Variants in ASIC2 observed in about 807,000 individuals in gnomAD.
The protein encoded by ASIC2 is acid-sensing ion channel 2.
In ASIC2, 25 loss-of-function variants were observed where a neutral mutation model predicts 57.3. That is an observed-to-expected ratio of 0.44 (90% confidence interval 0.32 to 0.61). ASIC2 has a LOEUF of 0.61. Ranked by LOEUF, ASIC2 falls within the 20% of genes least tolerant of loss-of-function variation. ASIC2 has a pLI of 0.06. For missense variants in ASIC2, 641 were observed against 738.1 expected, an observed-to-expected ratio of 0.87 and a Z score of 1.52; for synonymous variants, 319 against 307.5, an observed-to-expected ratio of 1.04 and a Z score of -0.39.
chr17:33,690,772 C>T (rs1377129753), intron 1 of ASIC2, among the ~76,000 whole-genome samples: 10 of 102,526 alleles, frequency 9.8e-5, no homozygotes, highest in Non-Finnish European at 1.1e-4. Context: ...TTTTTTGAGA[C>T]GGAGTCTTGC....
At chr17:33,415,471 G>A (rs1361456859) in intron 1 of ASIC2, among the ~76,000 whole-genome samples, 1 of 151,992 alleles carries the variant, frequency 6.6e-6, no homozygotes, top group Non-Finnish European at 1.5e-5. Flanking sequence ...AGTTAATTAT[G>A]TAGAACCCAT....
chr17:33,898,220 CTTTTTTTTTTTTTTTTTTTTT>C (rs771624171), intron 1 of ASIC2, among the ~76,000 whole-genome samples: 1 of 66,196 alleles, frequency 1.5e-5, no homozygotes, highest in Non-Finnish European at 2.8e-5. Context: ...CATGTATAAT[CTTTTTTTTTTTTTTTTTTTTT>C]TTTTTTTTTT....
intron 1 of ASIC2, among the ~76,000 whole-genome samples, chr17:34,084,057 T>C (rs903717867): frequency 3.3e-5 from 5 of 152,028 alleles, no homozygotes; most frequent in African/African-American, 9.7e-5. Flanking sequence ...TTGGCTTTTG[T>C]TGCCATTGCT....
chr17:34,017,442 TC>T (rs1229384116), intron 1 of ASIC2, among the ~76,000 whole-genome samples: 3 of 152,216 alleles, frequency 2.0e-5, no homozygotes, highest in Non-Finnish European at 2.9e-5. Flanking sequence ...TACAATGCTT[TC>T]TAAATATTCA....
intron 1 of ASIC2, among the ~76,000 whole-genome samples, chr17:33,814,511 C>A (rs1024914647): frequency 1.3e-5 from 2 of 152,162 alleles, no homozygotes; most frequent in Non-Finnish European, 2.9e-5. Flanking sequence ...TGCCAGCTAA[C>A]AATGTTGCCA....
intron 1 of ASIC2, among the ~76,000 whole-genome samples, chr17:33,395,848 C>T (rs1331391852): frequency 2.6e-5 from 4 of 152,082 alleles, no homozygotes; most frequent in East Asian, 1.9e-4. Context: ...TACCAGTTGA[C>T]GGATTTTGAC....
At chr17:33,036,224 C>T (rs1001858788) in intron 3 of ASIC2, among the ~76,000 whole-genome samples, 3 of 152,034 alleles carry the variant, frequency 2.0e-5, no homozygotes, top group Non-Finnish European at 4.4e-5. Flanking sequence ...TTCCTATTAT[C>T]ATGTTATTGA....
chr17:33,228,964 T>C (rs984957202), intron 1 of ASIC2, among the ~76,000 whole-genome samples: 5 of 152,046 alleles, frequency 3.3e-5, no homozygotes, highest in East Asian at 1.9e-4. Context: ...TGAGCTGAGG[T>C]TGGGGAAGAG....
upstream of ASIC2, among the ~76,000 whole-genome samples, chr17:33,297,116 A>G (rs957905545): frequency 6.6e-6 from 1 of 152,226 alleles, no homozygotes; most frequent in Non-Finnish European, 1.5e-5. Flanking sequence ...TCTTTATAGA[A>G]TCAGAGCACG....
chr17:33,266,900 G>C (rs947049933), intron 1 of ASIC2, among the ~76,000 whole-genome samples: 1 of 152,116 alleles, frequency 6.6e-6, no homozygotes, highest in Non-Finnish European at 1.5e-5. Flanking sequence ...GAGTGAGGTG[G>C]GGTGCTTGAC....
chr17:33,172,823 C>G (rs1905579170), intron 1 of ASIC2, among the ~76,000 whole-genome samples: 1 of 152,204 alleles, frequency 6.6e-6, no homozygotes, highest in African/African-American at 2.4e-5. Context: ...GAATCAGAAA[C>G]TGTGAGGTTG....
At chr17:33,123,179 AT>A (rs2141998725) in intron 1 of ASIC2, among the ~76,000 whole-genome samples, 1 of 152,298 alleles carries the variant, frequency 6.6e-6, no homozygotes, top group South Asian at 2.1e-4. Context: ...TGCTGAAGAG[AT>A]GTCTGCACTC....
At chr17:34,048,236 C>T (rs1908412235) in intron 1 of ASIC2, among the ~76,000 whole-genome samples, 1 of 152,204 alleles carries the variant, frequency 6.6e-6, no homozygotes, top group Admixed American at 6.5e-5. Context: ...AATGTCATGA[C>T]TTTGAGACCC....
chr17:33,295,137 G>A (rs1905671692), upstream of ASIC2, among the ~76,000 whole-genome samples: 2 of 152,238 alleles, frequency 1.3e-5, no homozygotes, highest in Non-Finnish European at 2.9e-5. Context: ...GTGTTCAGCT[G>A]TTGTGGGCTT....
intron 1 of ASIC2, among the ~76,000 whole-genome samples, chr17:33,253,851 C>T (rs951462919): frequency 6.6e-6 from 1 of 152,188 alleles, no homozygotes; most frequent in African/African-American, 2.4e-5. Context: ...CCCATGATGC[C>T]GAGACCATCA....
chr17:34,106,963 G>A (rs1337154354), intron 1 of ASIC2, among the ~76,000 whole-genome samples: 2 of 152,070 alleles, frequency 1.3e-5, no homozygotes, highest in Non-Finnish European at 2.9e-5. Flanking sequence ...AGAAATACAT[G>A]CATGGACATA....
intron 1 of ASIC2, among the ~76,000 whole-genome samples, chr17:33,532,250 C>T (rs892158613): frequency 6.6e-6 from 1 of 152,214 alleles, no homozygotes. Flanking sequence ...AACCCATTTT[C>T]CTAAGCATCT....
intron 1 of ASIC2, among the ~76,000 whole-genome samples, chr17:33,207,423 G>A (rs938360530): frequency 2.4e-4 from 36 of 152,148 alleles, no homozygotes; most frequent in African/African-American, 7.7e-4. Context: ...TTTCATATGT[G>A]TCATGTCATC....
chr17:33,753,638 C>T (rs779118971), intron 1 of ASIC2, among the ~76,000 whole-genome samples: 5 of 152,130 alleles, frequency 3.3e-5, no homozygotes, highest in Admixed American at 1.3e-4. Context: ...AGGGAAGTGA[C>T]GTAAGGAAAT....
Sources: allele counts gnomAD v4.1 joint callset (sites outside exome capture counted in the v4.1 genomes callset), GRCh38; gene constraint gnomAD v4.1.1; transcripts MANE v1.5; gene names NCBI Gene and HGNC (gene_info 2026-07-23, HGNC 2026-07-21).